The following GRPR variants were observed in gnomAD, a reference collection of about 807,000 sequenced individuals.
The protein encoded by GRPR is gastrin releasing peptide receptor.
In GRPR, 4 loss-of-function variants were observed where a neutral mutation model predicts 15.6. That is an observed-to-expected ratio of 0.26 (90% CI 0.13 to 0.59). GRPR has a LOEUF of 0.59. GRPR is among the 20% of genes least tolerant of loss of function. The pLI, the probability that GRPR is intolerant of heterozygous loss-of-function variation, is 0.90. For synonymous variants in GRPR, 128 were observed against 126.8 expected (o/e 1.01, Z -0.06); for missense variants, 270 against 304.1 (o/e 0.89, Z 0.83).
chrX:16,141,661 A>G (rs1022208906), intron 1 of GRPR, among the ~76,000 whole-genome samples: 2 of 112,639 alleles, frequency 1.8e-5, no homozygotes, highest in Admixed American at 9.3e-5. Flanking sequence ...GTCTTCTGGG[A>G]CAATGAACCC....
chrX:16,141,687 A>T (rs980336038), intron 1 of GRPR, among the ~76,000 whole-genome samples: 1 of 112,587 alleles, frequency 8.9e-6, no homozygotes, highest in Admixed American at 9.4e-5. Flanking sequence ...TGAACTTCAC[A>T]TGCTCCCGGA....
At chrX:16,152,170 T>C in intron 2 of GRPR, 86 bp from the exon 3 acceptor site, 1 of 858,201 alleles carries the variant, frequency 1.2e-6, no homozygotes, top group Non-Finnish European at 1.7e-6. Flanking sequence ...CCCTTTCTCT[T>C]TCTCTGCCTG....
At chrX:16,124,950 T>G in intron 1 of GRPR, among the ~76,000 whole-genome samples, 1 of 112,661 alleles carries the variant, frequency 8.9e-6, no homozygotes, top group Admixed American at 9.4e-5. Flanking sequence ...CTCTCTTAAA[T>G]GAAATCAAAC....
intron 1 of GRPR, among the ~76,000 whole-genome samples, chrX:16,135,279 A>C (rs770439655): frequency 8.9e-6 from 1 of 112,478 alleles, no homozygotes; most frequent in East Asian, 2.8e-4. Context: ...TCAGTGATTG[A>C]TAACAGCTAA....
intron 1 of GRPR, among the ~76,000 whole-genome samples, chrX:16,135,912 C>T (rs1381017200): frequency 8.9e-6 from 1 of 112,025 alleles, no homozygotes; most frequent in Non-Finnish European, 1.9e-5. Context: ...CAGAATTTGG[C>T]ATCGTTTCTT....
chrX:16,140,338 A>AT (rs1440121244), intron 1 of GRPR, among the ~76,000 whole-genome samples: 1 of 112,555 alleles, frequency 8.9e-6, no homozygotes, highest in Non-Finnish European at 1.9e-5. Context: ...TAGAAGTTCC[A>AT]TTTTTATCCT....
In GRPR at chrX:16,152,353, C is replaced by T; in HGVS notation, c.863C>T (p.Ser288Phe). 8.3e-7 allele frequency: 1 copy of T among 1,209,983 alleles called. No individual in the cohort carries two copies. The highest frequency in any genetic ancestry group is 1.1e-6 in the Non-Finnish European group (1 of 893,825). The change falls in exon 3 of 3, where the codon TCC (serine) becomes TTC (phenylalanine). Residue 288 changes from serine to phenylalanine, a missense_variant. This residue lies in a region of GRPR where 133 missense variants were observed against 123.4 expected (regional missense o/e 1.08). Coordinates refer to ENST00000380289, the MANE Select transcript of GRPR (RefSeq NM_005314.3). ...AATCATGTCATCTACCTGTACCGCT[C>T]CTACCACTACTCTGAGGTGGACACC... ...LPNHVIYLYRSYHYSEVDTSM... is the reference protein window; with the variant it reads ...LPNHVIYLYRFYHYSEVDTSM...
Position 16,152,866 on chromosome X carries a change from T to C in GRPR, c.*221T>C. ...TTCAACTTGTGAACGTTTCTTCTGA[T>C]GTGAAGCAAACCTTCCCTTTTCAGA... On this transcript the variant is annotated 3_prime_UTR_variant, in exon 3 of 3. Transcript: ENST00000380289. The C allele has an allele frequency of 4.7e-6, 2 of 424,381 alleles. No homozygotes were observed. The highest frequency in any genetic ancestry group is 7.9e-5 in the Admixed American group (2 of 25,168). 35.0% of individuals were successfully genotyped at this position (424,381 alleles called of 1,213,427 possible). A position where few individuals can be genotyped will look rare whatever the true frequency, so the allele number is the denominator to read the frequency against.
chrX:16,133,755 A>G (rs1159684621), intron 1 of GRPR, among the ~76,000 whole-genome samples: 1 of 111,462 alleles, frequency 9.0e-6, no homozygotes, highest in Non-Finnish European at 1.9e-5. Context: ...CTTTAATAGT[A>G]TTGATTTTTT....
intron 1 of GRPR, among the ~76,000 whole-genome samples, chrX:16,138,697 GT>G (rs1456268570): frequency 9.0e-6 from 1 of 111,303 alleles, no homozygotes; most frequent in Non-Finnish European, 1.9e-5. Context: ...TTTTCTTGCT[GT>G]TTTGTTTTTT....
At position 16,152,524 on chromosome X, in the gene GRPR, T is replaced by C. The variant is rs751517126; in HGVS notation, c.1034T>C (p.Ile345Thr). The C allele has an allele frequency of 3.3e-6, 4 of 1,209,850 alleles. No individual in the cohort carries two copies. The highest frequency in any genetic ancestry group is 3.4e-6 in the Non-Finnish European group (3 of 893,688). Residue 345 changes from isoleucine (I) to threonine (T), a missense_variant, in exon 3 of 3, where the codon ATC becomes ACC. This residue lies in a region of GRPR where 133 missense variants were observed against 123.4 expected (regional missense o/e 1.08). Coordinates refer to ENST00000380289, the MANE Select transcript of GRPR (RefSeq NM_005314.3). ...CTGCTCTGTTGCCAGCCTGGCCTGA[T>C]CATCCGGTCTCACAGCACTGGAAGG... is the stretch of plus-strand genomic sequence containing the variant. ...TQLLCCQPGL[I>T]IRSHSTGRST...
In GRPR at chrX:16,123,914, G is replaced by T. The variant is rs112172603; in HGVS notation, c.-40G>T. 5.5e-6 allele frequency: 6 copies of T among 1,096,793 alleles called. No homozygotes were observed. The highest frequency in any genetic ancestry group is 7.5e-6 in the Non-Finnish European group (6 of 796,344). The allele number at this position is 1,096,793 out of a possible 1,213,427, so 90.4% of individuals were successfully genotyped here. A position where few individuals can be genotyped will look rare whatever the true frequency, so the allele number is the denominator to read the frequency against. On this transcript the variant is annotated 5_prime_UTR_variant, in exon 1 of 3. Coordinates refer to ENST00000380289, the MANE Select transcript of GRPR (RefSeq NM_005314.3). ...TTGCAAAATCAATAGTTAAGAAATA[G>T]CATCTAAGGGAACTTTTAGGTGGGA...
At chrX:16,147,349 C>T (rs1922622227) in intron 1 of GRPR, among the ~76,000 whole-genome samples, 1 of 111,792 alleles carries the variant, frequency 8.9e-6, no homozygotes, top group Non-Finnish European at 1.9e-5. Context: ...ATATTTATTT[C>T]ACAAATATCT....
In GRPR at chrX:16,123,945, A is replaced by C; in HGVS notation, c.-9A>C. 8.3e-7 allele frequency: 1 copy of C among 1,205,634 alleles called. No individual in the cohort carries two copies. Among genetic ancestry groups the C allele is most frequent in the Non-Finnish European group, 1.1e-6 (1 of 891,000 alleles). On this transcript the variant is annotated 5_prime_UTR_variant, in exon 1 of 3. Transcript: ENST00000380289. ...AAGGGAACTTTTAGGTGGGAAAAAAAATCTAGAGATGGCTCTAAATGACTG... is the reference window on the plus strand; with the variant it reads ...AAGGGAACTTTTAGGTGGGAAAAAACATCTAGAGATGGCTCTAAATGACTG...
intron 1 of GRPR, among the ~76,000 whole-genome samples, chrX:16,139,292 T>G (rs960331615): frequency 4.5e-5 from 5 of 112,028 alleles, no homozygotes; most frequent in African/African-American, 1.6e-4. Context: ...GTCGTAGAAG[T>G]TGACTTTCTA....
chrX:16,145,515 C>T (rs1004761944), intron 1 of GRPR, among the ~76,000 whole-genome samples: 3 of 111,377 alleles, frequency 2.7e-5, no homozygotes, highest in African/African-American at 6.5e-5. Flanking sequence ...GTGGGATAGG[C>T]GGGAGGCAGT....
rs1166355160 is a variant in GRPR at position 16,146,752 on chromosome X, C to A, written c.414-3553C>A. Reference sequence around the variant, plus strand: ...AGGAAATAGACTGATATGCTCCATGCTATACAAAACCATTAGACTTGCAGG... The same window carrying A: ...AGGAAATAGACTGATATGCTCCATGATATACAAAACCATTAGACTTGCAGG... On this transcript the variant is annotated intron_variant, in intron 1 of 2. Coordinates refer to ENST00000380289, the MANE Select transcript of GRPR (RefSeq NM_005314.3). Among the ~76,000 whole-genome samples the A allele has an allele frequency of 2.7e-5, 3 of 111,971 alleles. No homozygotes were observed. The Admixed American group carries it at 2.8e-4, about 11-fold the overall frequency.
intron 1 of GRPR, among the ~76,000 whole-genome samples, chrX:16,145,127 A>G (rs749194553): frequency 8.9e-6 from 1 of 111,997 alleles, no homozygotes; most frequent in South Asian, 3.8e-4. Flanking sequence ...GAGCTACCAT[A>G]TGATCCAGCA....
At chrX:16,134,381 C>T (rs913575879) in intron 1 of GRPR, among the ~76,000 whole-genome samples, 1 of 112,063 alleles carries the variant, frequency 8.9e-6, no homozygotes, top group African/African-American at 3.2e-5. Context: ...TTTTAAAATA[C>T]CTTTCTGGTA....
Sources: gnomAD v4.1 joint callset for allele counts (sites outside exome capture counted in the v4.1 genomes callset) on GRCh38, gnomAD v4.1.1 for gene constraint, gnomAD v4.1.1 regional missense constraint, MANE v1.5 for transcripts, NCBI Gene and HGNC (gene_info 2026-07-23, HGNC 2026-07-21) for gene names.